Variants in BTBD9 observed in about 807,000 individuals in gnomAD.
The protein encoded by BTBD9 is BTB/POZ domain-containing protein 9.
A neutral mutation model predicts 64.3 loss-of-function variants in BTBD9; 49 were observed. That is an observed-to-expected ratio of 0.76 (90% CI 0.61 to 0.97). The LOEUF is 0.97. Among genes scored for constraint, BTBD9 ranks in the 50% least tolerant of loss-of-function variants. The probability of loss-of-function intolerance (pLI) is 0.00; values close to 1 mark genes in which losing one functional copy is unlikely to be tolerated. For missense variants in BTBD9, 598 were observed against 762.1 expected (o/e 0.78, Z 2.53); for synonymous variants, 260 against 274.7 (o/e 0.95, Z 0.53).
At chr6:38,546,859 G>A (rs1421417855) in intron 6 of BTBD9, among the ~76,000 whole-genome samples, 1 of 151,976 alleles carries the variant, frequency 6.6e-6, no homozygotes, top group Admixed American at 6.6e-5. Flanking sequence ...GTAGAGATGG[G>A]GTTTCATCAT....
At chr6:38,463,983 G>A (rs1472298193) in intron 6 of BTBD9, among the ~76,000 whole-genome samples, 1 of 152,120 alleles carries the variant, frequency 6.6e-6, no homozygotes, top group Non-Finnish European at 1.5e-5. Flanking sequence ...AGTGAGCTGA[G>A]ATCCCACCAC....
In BTBD9 at chr6:38,173,459, A is replaced by G. The variant is rs1766875540; in HGVS notation, c.*1526T>C. 1 of 152,270 alleles carries G rather than the reference A, an allele frequency of 6.6e-6. No individual in the cohort carries two copies. Among genetic ancestry groups the G allele is most frequent in the Non-Finnish European group, 1.5e-5 (1 of 68,056 alleles). 9.4% of individuals were successfully genotyped at this position (152,270 alleles called of 1,614,324 possible). A position where few individuals can be genotyped will look rare whatever the true frequency, so the allele number is the denominator to read the frequency against. ...AGGAACGTGTCCACCCTGCCCCGGT[A>G]GCCCTCTGATGTCTGCCATCCTGTG... On this transcript the variant is annotated 3_prime_UTR_variant, in exon 11 of 11. Coordinates refer to ENST00000481247, the MANE Select transcript of BTBD9 (RefSeq NM_001099272.2).
intron 9 of BTBD9, among the ~76,000 whole-genome samples, chr6:38,219,301 A>AT (rs11389502): frequency 0.66 from 90,161 of 136,680 alleles, 29,737 homozygotes; most frequent in Non-Finnish European, 0.69. Context: ...CACCCAGCTA[A>AT]TTTTTTTTTT....
At chr6:38,472,103 G>T (rs760602149) in intron 6 of BTBD9, among the ~76,000 whole-genome samples, 27 of 152,108 alleles carry the variant, frequency 1.8e-4, no homozygotes, top group Non-Finnish European at 3.4e-4. Flanking sequence ...ATCCCATCCT[G>T]CAGGGATTTC....
At chr6:38,318,025 C>G (rs2127574405) in intron 7 of BTBD9, among the ~76,000 whole-genome samples, 1 of 150,748 alleles carries the variant, frequency 6.6e-6, no homozygotes, top group South Asian at 2.1e-4. Flanking sequence ...ACTTCCACCT[C>G]CTGGGTTCAA....
intron 6 of BTBD9, among the ~76,000 whole-genome samples, chr6:38,556,361 GATTT>G (rs1448523841): frequency 6.6e-6 from 1 of 152,078 alleles, no homozygotes; most frequent in East Asian, 1.9e-4. Flanking sequence ...TTAAAATCTT[GATTT>G]ATTAATTTAA....
chr6:38,264,351 C>T (rs1764898563), intron 8 of BTBD9, among the ~76,000 whole-genome samples: 1 of 152,098 alleles, frequency 6.6e-6, no homozygotes, highest in Non-Finnish European at 1.5e-5. Flanking sequence ...ATGTTCAGAA[C>T]AGAGAGAGAC....
At chr6:38,397,018 C>T (rs1339263747) in intron 6 of BTBD9, among the ~76,000 whole-genome samples, 2 of 150,896 alleles carry the variant, frequency 1.3e-5, no homozygotes, top group Non-Finnish European at 2.9e-5. Context: ...TCTCAGGCCT[C>T]AGCTTCCCAA....
intron 1 of BTBD9, among the ~76,000 whole-genome samples, chr6:38,638,463 T>C (rs1406208066): frequency 6.6e-6 from 1 of 152,182 alleles, no homozygotes; most frequent in Admixed American, 6.5e-5. Flanking sequence ...ATATAACAAA[T>C]ATCCATTGCA....
chr6:38,181,514 C>T (rs912106658), intron 10 of BTBD9, among the ~76,000 whole-genome samples: 1 of 152,204 alleles, frequency 6.6e-6, no homozygotes, highest in African/African-American at 2.4e-5. Context: ...CAGATCCTGA[C>T]GATGGTCACC....
chr6:38,207,835 AC>A (rs1762710128), intron 9 of BTBD9, among the ~76,000 whole-genome samples: 1 of 152,186 alleles, frequency 6.6e-6, no homozygotes, highest in Non-Finnish European at 1.5e-5. Flanking sequence ...TTTCAAAATT[AC>A]TTTTTAAAAG....
intron 9 of BTBD9, among the ~76,000 whole-genome samples, chr6:38,213,627 G>T (rs888513287): frequency 2.0e-5 from 3 of 152,094 alleles, no homozygotes; most frequent in Non-Finnish European, 4.4e-5. Context: ...GCAGTATGTG[G>T]CATGTAACAA....
At chr6:38,335,237 T>C (rs989896654) in intron 7 of BTBD9, among the ~76,000 whole-genome samples, 3 of 143,948 alleles carry the variant, frequency 2.1e-5, no homozygotes, top group African/African-American at 8.3e-5. Context: ...AGTTCTTTTA[T>C]TTTATTTTAA....
At chr6:38,426,909 A>T (rs1768186844) in intron 6 of BTBD9, among the ~76,000 whole-genome samples, 1 of 151,752 alleles carries the variant, frequency 6.6e-6, no homozygotes, top group African/African-American at 2.4e-5. Context: ...TGGTAACAGT[A>T]TCATGTCTAG....
chr6:38,225,242 G>A (rs975180295), intron 9 of BTBD9, among the ~76,000 whole-genome samples: 1 of 152,224 alleles, frequency 6.6e-6, no homozygotes, highest in African/African-American at 2.4e-5. Context: ...AAATGGAATA[G>A]AAACAAATCA....
intron 4 of BTBD9, among the ~76,000 whole-genome samples, chr6:38,584,951 A>G (rs1776447918): frequency 6.6e-6 from 1 of 152,170 alleles, no homozygotes; most frequent in African/African-American, 2.4e-5. Context: ...TTGGTGAGTC[A>G]GAAGACCAGC....
intron 7 of BTBD9, among the ~76,000 whole-genome samples, chr6:38,332,659 C>T (rs572376533): frequency 6.6e-6 from 1 of 151,226 alleles, no homozygotes; most frequent in Non-Finnish European, 1.5e-5. Flanking sequence ...CTTATTTATT[C>T]TCTTGGAAAA....
chr6:38,283,605 C>A (rs1475070159), intron 8 of BTBD9, among the ~76,000 whole-genome samples: 1 of 152,182 alleles, frequency 6.6e-6, no homozygotes, highest in Non-Finnish European at 1.5e-5. Flanking sequence ...GCCATGATCA[C>A]ACCATCATGT....
At chr6:38,214,101 G>A (rs1762928547) in intron 9 of BTBD9, among the ~76,000 whole-genome samples, 1 of 152,150 alleles carries the variant, frequency 6.6e-6, no homozygotes, top group Non-Finnish European at 1.5e-5. Context: ...TGGTGTTGAT[G>A]ACTTTTCGGG....
Sources: gnomAD v4.1 joint callset for allele counts (sites outside exome capture counted in the v4.1 genomes callset) on GRCh38, gnomAD v4.1.1 for gene constraint, MANE v1.5 for transcripts, NCBI Gene and HGNC (gene_info 2026-07-23, HGNC 2026-07-21) for gene names.